Variants in BRIP1 observed in about 807,000 individuals in gnomAD.
BRIP1 encodes the protein Fanconi anemia group J protein.
A neutral mutation model predicts 119.7 loss-of-function variants in BRIP1; 88 were observed. That is an observed-to-expected ratio of 0.74 (90% CI 0.62 to 0.88). The LOEUF is 0.88. BRIP1 is among the 40% of genes least tolerant of loss of function. The probability of loss-of-function intolerance (pLI) is 0.00; values close to 1 mark genes in which losing one functional copy is unlikely to be tolerated. For synonymous variants in BRIP1, 443 were observed against 496.5 expected (o/e 0.89, Z 1.43); for missense variants, 1,259 against 1,455.4 (o/e 0.87, Z 2.20).
At chr17:61,786,734 C>A (rs1378403463) in intron 10 of BRIP1, among the ~76,000 whole-genome samples, 1 of 135,630 alleles carries the variant, frequency 7.4e-6, no homozygotes, top group East Asian at 2.1e-4. Context: ...AAAGTGAGTT[C>A]TGTGGGTTAT....
At position 61,817,843 on chromosome 17, in the gene BRIP1, T is replaced by TA. The variant is rs1278249773; in HGVS notation, c.628-9087dup. The stretch of plus-strand genomic sequence containing the variant: ...GAAAGGAAAAAGCAAAAGTACACTG[T>TA]AAAAATTGTGTGCTCATAGGTAAAA... On this transcript the variant is annotated intron_variant, in intron 6 of 19. Coordinates refer to ENST00000259008, the MANE Select transcript of BRIP1 (RefSeq NM_032043.3). Among the ~76,000 whole-genome samples the TA allele has an allele frequency of 2.0e-5, 3 of 152,226 alleles. No homozygotes were observed. In the East Asian group the frequency reaches 5.8e-4, roughly 29 times the overall value.
At chr17:61,837,637 A>C (rs2078594705) in intron 6 of BRIP1, among the ~76,000 whole-genome samples, 1 of 152,178 alleles carries the variant, frequency 6.6e-6, no homozygotes, top group Non-Finnish European at 1.5e-5. Context: ...GAATATAAAT[A>C]AATCTAGAGA....
Position 61,851,447 on chromosome 17 carries a change from T to C in BRIP1, c.380-2191A>G, listed in dbSNP as rs550420804. Reference sequence around the variant, plus strand: ...TCTACCTTGAATGGGCTTTTGTATATGGTATAAAGTAGGGCTCCAATTTCA... The same window carrying C: ...TCTACCTTGAATGGGCTTTTGTATACGGTATAAAGTAGGGCTCCAATTTCA... On this transcript the variant is annotated intron_variant, in intron 4 of 19. Transcript: ENST00000259008. The surrounding 1 kb of genome is among the most constrained non-coding windows in gnomAD (Gnocchi z 4.6). Among the ~76,000 whole-genome samples, 2 of 152,234 alleles carry C rather than the reference T, an allele frequency of 1.3e-5. No homozygotes were observed. Among genetic ancestry groups the C allele is most frequent in the South Asian group, 4.1e-4 (2 of 4,822 alleles).
intron 6 of BRIP1, among the ~76,000 whole-genome samples, chr17:61,829,180 C>A (rs762475354): frequency 3.3e-5 from 5 of 151,736 alleles, no homozygotes; most frequent in Non-Finnish European, 7.4e-5. Flanking sequence ...ATAAAGAAGA[C>A]AATTATTTAT....
In BRIP1 at chr17:61,761,937, C is replaced by T. The variant is rs953562534; in HGVS notation, c.2097+14464G>A. Among the ~76,000 whole-genome samples the T allele has an allele frequency of 9.9e-5, 15 of 151,836 alleles. No homozygotes were observed. Among genetic ancestry groups the T allele is most frequent in the Non-Finnish European group, 2.2e-4 (15 of 67,928 alleles). On this transcript the variant is annotated intron_variant, in intron 14 of 19. Coordinates refer to ENST00000259008, the MANE Select transcript of BRIP1 (RefSeq NM_032043.3). The surrounding 1 kb of genome is among the most constrained non-coding windows in gnomAD (Gnocchi z 6.4). ...AAATTTCATATAGAGCCACAAGAAG[C>T]TTTGAATAGCCATGGCAGTCATGAG...
intron 4 of BRIP1, among the ~76,000 whole-genome samples, chr17:61,855,760 C>T (rs114613320): frequency 1.9e-3 from 290 of 152,130 alleles, no homozygotes; most frequent in African/African-American, 6.6e-3. Flanking sequence ...TACCATATGC[C>T]AGGCACCCTG....
chr17:61,760,208 T>C lies in BRIP1; in HGVS notation c.2098-15617A>G, dbSNP rs1340085834. Among the ~76,000 whole-genome samples the C allele has an allele frequency of 6.6e-6, 1 of 151,094 alleles. No individual in the cohort carries two copies. Among genetic ancestry groups the C allele is most frequent in the African/African-American group, 2.4e-5 (1 of 41,120 alleles). ...AACAACCAAACAACCAAGGGGGCAA[T>C]GAAGAAATTAAAAGGGAAATTTAAA... On this transcript the variant is annotated intron_variant, in intron 14 of 19. Coordinates refer to ENST00000259008, the MANE Select transcript of BRIP1 (RefSeq NM_032043.3). This position sits in a 1 kb window ranked among gnomAD's most constrained non-coding sequence, Gnocchi z 4.6.
chr17:61,702,265 GTTGTT>G (rs1245036925), intron 17 of BRIP1, among the ~76,000 whole-genome samples: 4 of 150,778 alleles, frequency 2.7e-5, no homozygotes, highest in African/African-American at 7.5e-5. Context: ...TGTTGTTGTT[GTTGTT>G]TTAACTTTTA....
chr17:61,742,221 G>A lies in BRIP1; in HGVS notation c.2379+792C>T, dbSNP rs2076995460. 6.6e-6 allele frequency among the ~76,000 whole-genome samples: 1 copy of A among 152,344 alleles called. No individual in the cohort carries two copies. The highest frequency in any genetic ancestry group is 1.9e-4 in the East Asian group (1 of 5,186). ...CTCAGCTTTCACAGAATTGAAGAGA[G>A]TTAGGGCCTTGCTCTGAATTAAGTT... is the stretch of plus-strand genomic sequence containing the variant. On this transcript the variant is annotated intron_variant, in intron 16 of 19. Transcript: ENST00000259008. This position sits in a 1 kb window ranked among gnomAD's most constrained non-coding sequence, Gnocchi z 4.7.
chr17:61,806,694 T>TTTGGTTGG lies in BRIP1; in HGVS notation c.918+1765_918+1772dup, dbSNP rs71355196. Among the ~76,000 whole-genome samples the TTTGGTTGG allele has an allele frequency of 1.3e-5, 2 of 151,326 alleles. No individual in the cohort carries two copies. Among genetic ancestry groups the TTTGGTTGG allele is most frequent in the Non-Finnish European group, 3.0e-5 (2 of 67,778 alleles). ...CCAATGTATTTTACCAATGTATGTT[T>TTTGGTTGG]TTGGTTGGTTGGTTGTTTTTGAGAC... On this transcript the variant is annotated intron_variant, in intron 7 of 19. Coordinates refer to ENST00000259008, the MANE Select transcript of BRIP1 (RefSeq NM_032043.3). The surrounding 1 kb of genome is among the most constrained non-coding windows in gnomAD (Gnocchi z 4.9).
In BRIP1 at chr17:61,846,981, A is replaced by G; in HGVS notation, c.627+120T>C. On this transcript the variant is annotated intron_variant, in intron 6 of 19. Transcript: ENST00000259008. The surrounding 1 kb of genome is among the most constrained non-coding windows in gnomAD (Gnocchi z 4.3). ...TAACAGAGATGTGACAGCATTGAGGACTTCTGAGTGGGTTGCTACTGTCCT... is the reference window on the plus strand; with the variant it reads ...TAACAGAGATGTGACAGCATTGAGGGCTTCTGAGTGGGTTGCTACTGTCCT... 2 of 1,165,624 alleles carry G rather than the reference A, an allele frequency of 1.7e-6. No individual in the cohort carries two copies. Among genetic ancestry groups the G allele is most frequent in the Non-Finnish European group, 2.5e-6 (2 of 799,374 alleles). The allele number at this position is 1,165,624 out of a possible 1,614,324, so 72.2% of individuals were successfully genotyped here.
intron 10 of BRIP1, among the ~76,000 whole-genome samples, chr17:61,787,008 A>G (rs2077728065): frequency 8.5e-6 from 1 of 117,382 alleles, no homozygotes; most frequent in African/African-American, 3.4e-5. Context: ...ATAATTTTAT[A>G]AAATTATAAT....
chr17:61,833,181 G>A (rs181652407), intron 6 of BRIP1, among the ~76,000 whole-genome samples: 4 of 152,222 alleles, frequency 2.6e-5, no homozygotes, highest in East Asian at 1.9e-4. Context: ...CACTCATGTC[G>A]GATGGGTTGC....
chr17:61,741,102 C>T (rs887199883), intron 16 of BRIP1, among the ~76,000 whole-genome samples: 2 of 152,188 alleles, frequency 1.3e-5, no homozygotes, highest in African/African-American at 4.8e-5. Flanking sequence ...GTTGTCATTT[C>T]AACAATGTTC....
In BRIP1 at chr17:61,774,998, A is replaced by G. The variant is rs1313078795; in HGVS notation, c.2097+1403T>C. ...ATAAGATTTTGCTTTAATCGCTTAC[A>G]TAACTGTGGAGTGAGTACAGTTTCC... On this transcript the variant is annotated intron_variant, in intron 14 of 19. Transcript: ENST00000259008. This position sits in a 1 kb window ranked among gnomAD's most constrained non-coding sequence, Gnocchi z 5.8. Among the ~76,000 whole-genome samples the G allele has an allele frequency of 6.6e-6, 1 of 152,212 alleles. No homozygotes were observed. The highest frequency in any genetic ancestry group is 2.4e-5 in the African/African-American group (1 of 41,464).
At chr17:61,786,971 TATTTATAAATTTATATAA>T (rs1239278218) in intron 10 of BRIP1, among the ~76,000 whole-genome samples, 1 of 40,630 alleles carries the variant, frequency 2.5e-5, no homozygotes, top group Non-Finnish European at 4.0e-5. Flanking sequence ...ATTATATTTA[TATTTATAAATTTATATAA>T]ATTTATAAAT....
chr17:61,839,120 T>C (rs933422178), intron 6 of BRIP1, among the ~76,000 whole-genome samples: 1 of 152,046 alleles, frequency 6.6e-6, no homozygotes, highest in Non-Finnish European at 1.5e-5. Flanking sequence ...TTAAATAAAT[T>C]ACCTCTACTC....
intron 6 of BRIP1, among the ~76,000 whole-genome samples, chr17:61,833,670 CAAA>C (rs34789764): frequency 8.3e-5 from 10 of 121,160 alleles, no homozygotes; most frequent in Non-Finnish European, 1.4e-4. Flanking sequence ...GACTCCACCT[CAAA>C]AAAAAAAAAA....
intron 9 of BRIP1, among the ~76,000 whole-genome samples, chr17:61,797,971 T>C (rs2077927580): frequency 6.6e-6 from 1 of 151,704 alleles, no homozygotes; most frequent in African/African-American, 2.4e-5. Flanking sequence ...ATCCACCTAT[T>C]GTGTAAATGT....
Sources: allele counts gnomAD v4.1 joint callset (sites outside exome capture counted in the v4.1 genomes callset), GRCh38; gene constraint gnomAD v4.1.1; non-coding constraint Gnocchi (gnomAD v3.1); transcripts MANE v1.5; gene names NCBI Gene and HGNC (gene_info 2026-07-23, HGNC 2026-07-21).